TTLL9: variants seen among roughly 807,000 people sequenced by gnomAD.
TTLL9 encodes probable tubulin polyglutamylase TTLL9.
TTLL9 carries 47 observed loss-of-function variants against 65.6 expected under a neutral mutation model. That is an observed-to-expected ratio of 0.72 (90% CI 0.57 to 0.91). The LOEUF (loss-of-function observed/expected upper bound fraction) is 0.91. TTLL9 is among the 40% of genes least tolerant of loss of function. The pLI is 0.00. For synonymous variants in TTLL9, 179 were observed against 204.8 expected (o/e 0.87, Z 1.07); for missense variants, 537 against 568.8 (o/e 0.94, Z 0.57).
rs11273358 is a variant in TTLL9, at chr20:31,887,855, CCTCTT to C, written c.113+662_113+666del. Among the ~76,000 whole-genome samples, 1,003 of 115,050 alleles carry C rather than the reference CCTCTT, an allele frequency of 8.7e-3. 16 individuals carry two copies. The highest frequency in any genetic ancestry group is 0.011 in the African/African-American group (314 of 28,266). 75.5% of individuals were successfully genotyped at this position (115,050 alleles called of 152,430 possible). Reference sequence around the variant, plus strand: ...CTTTGGTTCATTAGATATCTCCTCTCCTCTTCTCTTCTCTTCTCTTCTCTTCTCTT... The same window carrying C: ...CTTTGGTTCATTAGATATCTCCTCTCCTCTTCTCTTCTCTTCTCTTCTCTT... On this transcript the variant is annotated intron_variant, in intron 3 of 14. Transcript: ENST00000535842.
At chr20:31,884,137 G>A in intron 2 of TTLL9, 1 of 450,296 alleles carries the variant, frequency 2.2e-6, no homozygotes, top group Non-Finnish European at 4.1e-6. Flanking sequence ...TTCTATATAT[G>A]TATCAGTTTC....
chr20:31,924,195 G>A (rs1030413823), intron 8 of TTLL9, among the ~76,000 whole-genome samples: 1 of 151,614 alleles, frequency 6.6e-6, no homozygotes, highest in Non-Finnish European at 1.5e-5. Context: ...AGACAACCAC[G>A]CCCGCCCCCT....
At chr20:31,942,620 T>A (rs1232257557) in intron 14 of TTLL9, among the ~76,000 whole-genome samples, 2 of 152,144 alleles carry the variant, frequency 1.3e-5, no homozygotes, top group Non-Finnish European at 2.9e-5. Flanking sequence ...CTTCTACACA[T>A]CATTCCTGCG....
At chr20:31,872,969 C>T (rs2062959474) in intron 2 of TTLL9, 1 of 516,104 alleles carries the variant, frequency 1.9e-6, no homozygotes, top group Non-Finnish European at 3.9e-6. Flanking sequence ...GCCAGGTCAT[C>T]TGATTTATTT....
intron 13 of TTLL9, 25 bp downstream of exon 13, chr20:31,937,534 A>G (rs1452132889): frequency 6.3e-7 from 1 of 1,577,726 alleles, no homozygotes; most frequent in Admixed American, 1.7e-5. Context: ...CCTTGATCAC[A>G]TGTCCTTGTA....
chr20:31,934,198 A>G, intron 11 of TTLL9: 1 of 486,394 alleles, frequency 2.1e-6, no homozygotes, highest in Non-Finnish European at 3.9e-6. Flanking sequence ...GTCTATGTAA[A>G]ATAACCTGCA....
rs775019506 is a variant in TTLL9, at chr20:31,925,001, C to A, written c.665-8C>A. On this transcript the variant is annotated splice_polypyrimidine_tract_variant and splice_region_variant and intron_variant, in intron 8 of 14. Transcript: ENST00000535842. Reference sequence around the variant, plus strand: ...GTTGCACAAATTAATTTTTTCCTTGCCTGACAGGCCGCAAGTTTGACCTGC... The same window carrying A: ...GTTGCACAAATTAATTTTTTCCTTGACTGACAGGCCGCAAGTTTGACCTGC... The A allele has an allele frequency of 1.2e-6, 2 of 1,613,972 alleles. No individual in the cohort carries two copies. The highest frequency in any genetic ancestry group is 1.3e-5 in the African/African-American group (1 of 74,924).
chr20:31,908,697 T>C lies in TTLL9; in HGVS notation c.313T>C (p.Tyr105His). 1 of 1,613,446 alleles carries C rather than the reference T, an allele frequency of 6.2e-7. No individual in the cohort carries two copies. Among genetic ancestry groups the C allele is most frequent in the Non-Finnish European group, 8.5e-7 (1 of 1,179,580 alleles). The change falls in exon 5 of 15, where the codon TAT (tyrosine) becomes CAT (histidine). Residue 105 changes from tyrosine (Y) to histidine (H), a missense_variant. By Grantham distance (83) the Tyr-to-His change is moderately conservative (BLOSUM62 2). Transcript: ENST00000535842. ...GCGGATCAGTCACTTCCGGAACCAC[T>C]ATGAGGTGAGCTGGGCAGGCGGGAG... The part of the protein sequence containing the change: ...HVRISHFRNH[Y>H]ELTRKNYMVK...
In TTLL9 at chr20:31,933,227, T is replaced by C. The variant is rs73243598; in HGVS notation, c.749-573T>C. Among the ~76,000 whole-genome samples, 1,034 of 152,286 alleles carry C rather than the reference T, an allele frequency of 6.8e-3. 9 individuals carry two copies. Among genetic ancestry groups the C allele is most frequent in the African/African-American group, 0.024 (983 of 41,558 alleles). On this transcript the variant is annotated intron_variant, in intron 10 of 14. Coordinates refer to ENST00000535842, the MANE Select transcript of TTLL9 (RefSeq NM_001008409.5). ...CTGGTGGTGACGATGGTGATGGTAC[T>C]GAGAGGCCAAATCTCAGGGCTGGGC...
chr20:31,887,145 A>T, intron 2 of TTLL9, 51 bp from the exon 3 acceptor site: 4 of 1,587,798 alleles, frequency 2.5e-6, no homozygotes, highest in Non-Finnish European at 2.6e-6. Context: ...ACCTGGGAAA[A>T]CAGGGCAGAT....
At chr20:31,903,664 C>T (rs114212151) in intron 4 of TTLL9, among the ~76,000 whole-genome samples, 1 of 152,150 alleles carries the variant, frequency 6.6e-6, no homozygotes, top group African/African-American at 2.4e-5. Flanking sequence ...AGGTGTCCAA[C>T]TTTAATATTT....
intron 3 of TTLL9, among the ~76,000 whole-genome samples, chr20:31,893,580 T>G (rs1276494028): frequency 6.6e-6 from 1 of 152,064 alleles, no homozygotes; most frequent in Non-Finnish European, 1.5e-5. Context: ...CGTAAGCCAC[T>G]GCGCCTAGCC....
chr20:31,895,867 T>C (rs184020804), intron 3 of TTLL9, among the ~76,000 whole-genome samples: 126 of 150,682 alleles, frequency 8.4e-4, no homozygotes, highest in Non-Finnish European at 1.5e-3. Context: ...TGAGACAGGG[T>C]CTCGCTCTCT....
At chr20:31,912,111 G>A (rs919671845) in intron 6 of TTLL9, among the ~76,000 whole-genome samples, 5 of 152,216 alleles carry the variant, frequency 3.3e-5, no homozygotes, top group South Asian at 2.1e-4. Flanking sequence ...AGTTACACAC[G>A]TTCGACACAT....
Position 31,919,920 on chromosome 20 carries a change from G to T in TTLL9, c.561G>T (p.Val187=). ...TCTTCCGTAGGCTGAAGGACATCGT[G>T]GACTGGAGGAAGGTGAGCCTGCCTC... is the stretch of plus-strand genomic sequence containing the variant. ...IFLFRRLKDI[V]DWRKDTRSSD... The change falls in exon 7 of 15, where the codon GTG becomes GTT. Residue 187 remains valine (V), a synonymous_variant. Coordinates refer to ENST00000535842, the MANE Select transcript of TTLL9 (RefSeq NM_001008409.5). 6.3e-7 allele frequency: 1 copy of T among 1,590,510 alleles called. No homozygotes were observed. The highest frequency in any genetic ancestry group is 8.6e-7 in the Non-Finnish European group (1 of 1,168,958).
At chr20:31,903,306 A>G (rs1362710645) in intron 4 of TTLL9, among the ~76,000 whole-genome samples, 2 of 152,218 alleles carry the variant, frequency 1.3e-5, no homozygotes, top group Non-Finnish European at 2.9e-5. Context: ...TTGAAGAAAT[A>G]TCTATTGCCC....
At chr20:31,917,615 C>T (rs767608582) in intron 6 of TTLL9, among the ~76,000 whole-genome samples, 2 of 152,202 alleles carry the variant, frequency 1.3e-5, no homozygotes, top group Non-Finnish European at 1.5e-5. Context: ...TTCCAAACAA[C>T]GTACTCTCAC....
At chr20:31,879,251 G>A (rs1460575332) in intron 2 of TTLL9, among the ~76,000 whole-genome samples, 1 of 152,210 alleles carries the variant, frequency 6.6e-6, no homozygotes, top group Non-Finnish European at 1.5e-5. Flanking sequence ...AGCCCAGGAG[G>A]CAGAGGCTGC....
chr20:31,922,244 A>G lies in TTLL9; in HGVS notation c.574-719A>G, dbSNP rs2063825492. ...GATGCCACTGCACTCCAGCCTGGAC[A>G]ACAGAGCAAGACTCATTCTCAAAAA... is the stretch of plus-strand genomic sequence containing the variant. On this transcript the variant is annotated intron_variant, in intron 7 of 14. Transcript: ENST00000535842. Among the ~76,000 whole-genome samples, 4 of 152,002 alleles carry G rather than the reference A, an allele frequency of 2.6e-5. No individual in the cohort carries two copies. The South Asian group carries it at 8.3e-4, about 32-fold the overall frequency.
Sources: gnomAD v4.1 joint callset for allele counts (sites outside exome capture counted in the v4.1 genomes callset) on GRCh38, gnomAD v4.1.1 for gene constraint, MANE v1.5 for transcripts, NCBI Gene and HGNC (gene_info 2026-07-23, HGNC 2026-07-21) for gene names.